NRDC: variants seen among roughly 807,000 people sequenced by gnomAD.
The protein encoded by NRDC is nardilysin.
A neutral mutation model predicts 147.1 loss-of-function variants in NRDC; 54 were observed. That is an observed-to-expected ratio of 0.37 (90% CI 0.29 to 0.46). The LOEUF is 0.46. Among genes scored for constraint, NRDC ranks in the 20% least tolerant of loss-of-function variants. The pLI, the probability that NRDC is intolerant of heterozygous loss-of-function variation, is 1.00. For synonymous variants in NRDC, 440 were observed against 482.1 expected, an observed-to-expected ratio of 0.91 and a Z score of 1.14; for missense variants, 1,082 against 1,370.6, an observed-to-expected ratio of 0.79 and a Z score of 3.33.
Position 51,878,005 on chromosome 1 carries a change from G to C in NRDC, c.341+270C>G, listed in dbSNP as rs1463609130. ...CACCATTCAGGCTGCGTTCCTCAAAGAAACCTTCATTCTTGCTTTAGCGAC... is the reference window on the plus strand; with the variant it reads ...CACCATTCAGGCTGCGTTCCTCAAACAAACCTTCATTCTTGCTTTAGCGAC... On this transcript the variant is annotated intron_variant, in intron 1 of 30. Transcript: ENST00000352171. 19 of 1,312,518 alleles carry C rather than the reference G, an allele frequency of 1.4e-5. No individual in the cohort carries two copies. In the East Asian group the frequency reaches 5.0e-4, roughly 35 times the overall value. 81.3% of individuals were successfully genotyped at this position (1,312,518 alleles called of 1,614,324 possible). A position where few individuals can be genotyped will look rare whatever the true frequency, so the allele number is the denominator to read the frequency against.
At chr1:51,871,564 C>T (rs1362609467) in intron 1 of NRDC, among the ~76,000 whole-genome samples, 1 of 137,412 alleles carries the variant, frequency 7.3e-6, no homozygotes, top group African/African-American at 2.7e-5. Flanking sequence ...CACCTGCTTC[C>T]CAACTGCTCC....
intron 11 of NRDC, 186 bp downstream of exon 11, chr1:51,816,126 A>G: frequency 1.4e-5 from 5 of 344,850 alleles, no homozygotes. Context: ...GGTGGCTTAC[A>G]AGGAAATACA....
In NRDC at chr1:51,817,951, G is replaced by C. The variant is rs906919091; in HGVS notation, c.1361+115C>G. ...AGCTCCCGGAGTAATCAAGTTCCAG[G>C]TTACCGTATTGCTATGTTTATAAAT... On this transcript the variant is annotated intron_variant, in intron 10 of 30. Coordinates refer to ENST00000352171, the MANE Select transcript of NRDC (RefSeq NM_001101662.2). The C allele has an allele frequency of 3.8e-5, 27 of 708,728 alleles. No individual in the cohort carries two copies. The East Asian group carries it at 7.6e-4, about 20-fold the overall frequency. The allele number at this position is 708,728 out of a possible 1,614,324, so 43.9% of individuals were successfully genotyped here.
rs150279253 is a variant in NRDC, at chr1:51,818,031, G to T, written c.1361+35C>A. On this transcript the variant is annotated intron_variant, in intron 10 of 30. Transcript: ENST00000352171. ...ATGCTTTAAAAATTACTCTCACTTGGTTCTAATGAAGTAAATTTTCCCTTA... is the reference window on the plus strand; with the variant it reads ...ATGCTTTAAAAATTACTCTCACTTGTTTCTAATGAAGTAAATTTTCCCTTA... 2.1e-4 allele frequency: 319 copies of T among 1,511,336 alleles called. 1 individual carries two copies. In the African/African-American group the frequency reaches 4.1e-3, roughly 19 times the overall value. The allele number at this position is 1,511,336 out of a possible 1,614,324, so 93.6% of individuals were successfully genotyped here.
At chr1:51,789,516 C>G in intron 30 of NRDC, 52 bp downstream of exon 30, 1 of 1,589,108 alleles carries the variant, frequency 6.3e-7, no homozygotes, top group Non-Finnish European at 8.6e-7. Context: ...CACCCAAACT[C>G]ACTCAGTAAA....
At chr1:51,866,426 G>A (rs1411224424) in intron 1 of NRDC, among the ~76,000 whole-genome samples, 3 of 152,086 alleles carry the variant, frequency 2.0e-5, no homozygotes, top group African/African-American at 7.2e-5. Context: ...TCATAGGTAT[G>A]TGCCCTAGAT....
intron 30 of NRDC, 51 bp from the exon 31 acceptor site, chr1:51,789,484 G>C (rs1368776079): frequency 1.2e-6 from 2 of 1,602,276 alleles, no homozygotes; most frequent in Non-Finnish European, 1.7e-6. Flanking sequence ...AGATTTAGGG[G>C]TTTAAGAGTT....
chr1:51,835,353 G>A (rs954304988), intron 3 of NRDC, among the ~76,000 whole-genome samples: 5 of 151,026 alleles, frequency 3.3e-5, no homozygotes, highest in East Asian at 2.0e-4. Flanking sequence ...GAGCCACCGC[G>A]CCCGGCCCCG....
intron 8 of NRDC, among the ~76,000 whole-genome samples, chr1:51,820,675 A>G (rs940851594): frequency 1.2e-4 from 19 of 152,204 alleles, no homozygotes; most frequent in Non-Finnish European, 2.5e-4. Flanking sequence ...AGCCAAATTA[A>G]TAATAACCAA....
intron 1 of NRDC, among the ~76,000 whole-genome samples, chr1:51,873,803 G>T (rs923352409): frequency 1.3e-5 from 2 of 150,884 alleles, no homozygotes; most frequent in African/African-American, 4.9e-5. Flanking sequence ...GAGCCCCCAC[G>T]CCCAGCCTGA....
At chr1:51,843,506 T>G (rs1352122422) in intron 1 of NRDC, among the ~76,000 whole-genome samples, 4 of 152,334 alleles carry the variant, frequency 2.6e-5, no homozygotes, top group Non-Finnish European at 5.9e-5. Context: ...AAGTCCTTTT[T>G]CTTTGTCTTG....
intron 3 of NRDC, among the ~76,000 whole-genome samples, chr1:51,835,632 A>C (rs976627543): frequency 6.6e-6 from 1 of 150,628 alleles, no homozygotes; most frequent in African/African-American, 2.4e-5. Flanking sequence ...ACGCCCAACT[A>C]ATTTTTGTAT....
intron 4 of NRDC, among the ~76,000 whole-genome samples, chr1:51,828,761 C>A (rs1402639111): frequency 7.1e-6 from 1 of 141,576 alleles, no homozygotes; most frequent in African/African-American, 2.7e-5. Context: ...CTCTATCACT[C>A]AGGCTAGAAT....
chr1:51,819,232 G>A (rs553094967), intron 9 of NRDC, among the ~76,000 whole-genome samples: 1 of 151,810 alleles, frequency 6.6e-6, no homozygotes, highest in South Asian at 2.1e-4. Flanking sequence ...AACCTGGGAG[G>A]CGAAGCAGTG....
rs1683430457 is a variant in NRDC at position 51,878,263 on chromosome 1, C to T, written c.341+12G>A. On this transcript the variant is annotated intron_variant, in intron 1 of 30. Transcript: ENST00000352171. ...CACTGTTCGCCTCCCCATTGCAAGC[C>T]TCCTCCCTCACCGGTATTGCTTGGG... is the stretch of plus-strand genomic sequence containing the variant. 1 of 1,605,628 alleles carries T rather than the reference C, an allele frequency of 6.2e-7. No homozygotes were observed. Among genetic ancestry groups the T allele is most frequent in the African/African-American group, 1.3e-5 (1 of 74,744 alleles).
In NRDC at chr1:51,809,905, CA is replaced by C. The variant is rs1342175582; in HGVS notation, c.1903+375del. Among the ~76,000 whole-genome samples the C allele has an allele frequency of 3.3e-3, 438 of 132,740 alleles. 1 individual carries two copies. The highest frequency in any genetic ancestry group is 7.5e-3 in the African/African-American group (277 of 36,904). 87.1% of individuals were successfully genotyped at this position (132,740 alleles called of 152,430 possible). ...GAGCAACAAGAGCAAAACTCTGTCTCAAAAAAAAAAAAGAAAAGAAAAAAGA... is the reference window on the plus strand; with the variant it reads ...GAGCAACAAGAGCAAAACTCTGTCTCAAAAAAAAAAAGAAAAGAAAAAAGA... On this transcript the variant is annotated intron_variant, in intron 16 of 30. Coordinates refer to ENST00000352171, the MANE Select transcript of NRDC (RefSeq NM_001101662.2).
chr1:51,865,946 C>T (rs1343544854), intron 1 of NRDC, among the ~76,000 whole-genome samples: 1 of 151,172 alleles, frequency 6.6e-6, no homozygotes, highest in African/African-American at 2.4e-5. Flanking sequence ...GTAGTTTCAG[C>T]TACTCAGGAG....
chr1:51,800,664 A>G lies in NRDC; in HGVS notation c.2333T>C (p.Ile778Thr). The G allele has an allele frequency of 6.2e-7, 1 of 1,613,622 alleles. No individual in the cohort carries two copies. Among genetic ancestry groups the G allele is most frequent in the Non-Finnish European group, 8.5e-7 (1 of 1,179,768 alleles). ...HKLPLLFQLI[I>T]DYLAEFNSTP... is the part of the protein sequence containing the mutation. The stretch of plus-strand genomic sequence containing the variant: ...GGAATTGAACTCAGCTAAGTAGTCA[A>G]TAATGAGCTGAAACAGTAGCTAAAA... The change falls in exon 21 of 31, where the codon ATT becomes ACT. Residue 778 changes from isoleucine to threonine, a missense_variant. Transcript: ENST00000352171.
At chr1:51,796,083 G>A (rs1175389482) in intron 22 of NRDC, among the ~76,000 whole-genome samples, 1 of 151,998 alleles carries the variant, frequency 6.6e-6, no homozygotes, top group African/African-American at 2.4e-5. Flanking sequence ...GTCTCACTAT[G>A]TTGCCCAGGC....
Sources: gnomAD v4.1 joint callset for allele counts (sites outside exome capture counted in the v4.1 genomes callset) on GRCh38, gnomAD v4.1.1 for gene constraint, MANE v1.5 for transcripts, NCBI Gene and HGNC (gene_info 2026-07-23, HGNC 2026-07-21) for gene names.